DCAF1: variants seen among roughly 807,000 people sequenced by gnomAD.
DCAF1 encodes the protein DDB1- and CUL4-associated factor 1.
A neutral mutation model predicts 128.0 loss-of-function variants in DCAF1; 15 were observed. The ratio of observed to expected loss-of-function variants is 0.12; its 90% CI spans 0.08 to 0.18. DCAF1 has a LOEUF of 0.18. DCAF1 is among the 10% of genes least tolerant of loss of function. DCAF1 has a pLI of 1.00. For missense variants in DCAF1, 988 were observed against 1,649.5 expected (o/e 0.60, Z 6.95); for synonymous variants, 610 against 603.0 (o/e 1.01, Z -0.17).
intron 5 of DCAF1, 137 bp downstream of exon 5, chr3:51,466,666 C>T (rs1577241226): frequency 1.4e-6 from 1 of 725,694 alleles, no homozygotes; most frequent in Non-Finnish European, 2.3e-6. Context: ...ATTATGGCCA[C>T]AACCAGGACT....
At chr3:51,443,998 A>G (rs1436217504) in intron 6 of DCAF1, 95 bp from the exon 7 acceptor site, 1 of 1,230,372 alleles carries the variant, frequency 8.1e-7, no homozygotes, top group Non-Finnish European at 1.1e-6. Context: ...AAAAATTTTA[A>G]TATTTCAATG....
intron 2 of DCAF1, among the ~76,000 whole-genome samples, chr3:51,489,123 T>C (rs1361589775): frequency 1.3e-5 from 2 of 151,944 alleles, no homozygotes; most frequent in Non-Finnish European, 2.9e-5. Flanking sequence ...CCTTTGCCAT[T>C]TCTATTAAAA....
At chr3:51,413,139 G>A in intron 21 of DCAF1, 73 bp from the exon 22 acceptor site, 3 of 1,592,052 alleles carry the variant, frequency 1.9e-6, no homozygotes, top group Non-Finnish European at 2.6e-6. Context: ...TCCTCTAAAG[G>A]AATTCAGGAT....
chr3:51,406,018 AGT>A (rs2090077350), intron 23 of DCAF1, among the ~76,000 whole-genome samples: 2 of 151,856 alleles, frequency 1.3e-5, no homozygotes, highest in Non-Finnish European at 2.9e-5. Flanking sequence ...TGGGCAACAG[AGT>A]GAGATCCCAT....
At chr3:51,438,124 TATGCA>T (rs1701025032) in intron 9 of DCAF1, 1 of 414,482 alleles carries the variant, frequency 2.4e-6, no homozygotes, top group Non-Finnish European at 4.7e-6. Context: ...TTGGTGTGGT[TATGCA>T]TTTTTTTTTA....
At chr3:51,446,290 G>A (rs535793558) in intron 6 of DCAF1, among the ~76,000 whole-genome samples, 3 of 152,184 alleles carry the variant, frequency 2.0e-5, no homozygotes, top group South Asian at 2.1e-4. Context: ...GTTAGCCACC[G>A]CACCCGGCCA....
At chr3:51,503,375 A>G (rs2108658139), upstream of DCAF1, among the ~76,000 whole-genome samples, 1 of 152,186 alleles carries the variant, frequency 6.6e-6, no homozygotes, top group African/African-American at 2.4e-5. Context: ...CTTCTCCTTC[A>G]TTCTCCTCCT....
At chr3:51,399,521 G>A (rs1340251012) in intron 24 of DCAF1, among the ~76,000 whole-genome samples, 2 of 152,172 alleles carry the variant, frequency 1.3e-5, no homozygotes, top group African/African-American at 4.8e-5. Flanking sequence ...CTCTGATGAG[G>A]ACCCTCTCTG....
intron 18 of DCAF1, among the ~76,000 whole-genome samples, chr3:51,416,486 CTTTA>C (rs1698890840): frequency 6.6e-6 from 1 of 152,186 alleles, no homozygotes; most frequent in Non-Finnish European, 1.5e-5. Flanking sequence ...ATATTTGCTT[CTTTA>C]TTGTCTCCCC....
At chr3:51,476,831 C>T (rs1705518561) in intron 3 of DCAF1, among the ~76,000 whole-genome samples, 1 of 151,686 alleles carries the variant, frequency 6.6e-6, no homozygotes, top group East Asian at 1.9e-4. Context: ...GCTGAGATCG[C>T]ACCACTGCAC....
intron 13 of DCAF1, among the ~76,000 whole-genome samples, chr3:51,424,169 G>C (rs1553633415): frequency 6.6e-6 from 1 of 152,040 alleles, no homozygotes; most frequent in Non-Finnish European, 1.5e-5. Flanking sequence ...TGGGAGACCA[G>C]GGCAGGTGGA....
At chr3:51,409,897 C>T (rs1698245878) in intron 23 of DCAF1, among the ~76,000 whole-genome samples, 1 of 152,162 alleles carries the variant, frequency 6.6e-6, no homozygotes, top group Admixed American at 6.6e-5. Flanking sequence ...GAAACATGTA[C>T]AAGCTGTAAC....
intron 3 of DCAF1, among the ~76,000 whole-genome samples, chr3:51,476,910 T>C (rs188761868): frequency 2.4e-3 from 360 of 151,660 alleles, no homozygotes; most frequent in Non-Finnish European, 3.9e-3. Flanking sequence ...GGTAAAACCC[T>C]GTCTCTATTA....
intron 2 of DCAF1, among the ~76,000 whole-genome samples, chr3:51,488,039 A>G (rs1707179617): frequency 6.6e-6 from 1 of 151,206 alleles, no homozygotes; most frequent in South Asian, 2.1e-4. Context: ...TAATTTTTGT[A>G]CTTTTAGTAG....
chr3:51,450,651 C>T (rs1702255220), intron 6 of DCAF1, among the ~76,000 whole-genome samples: 1 of 152,098 alleles, frequency 6.6e-6, no homozygotes, highest in African/African-American at 2.4e-5. Context: ...AAAAAGATAT[C>T]CACTTATTTT....
intron 3 of DCAF1, among the ~76,000 whole-genome samples, chr3:51,479,801 A>C (rs1453902913): frequency 6.6e-6 from 1 of 152,102 alleles, no homozygotes; most frequent in Non-Finnish European, 1.5e-5. Context: ...GTCTCAAAAA[A>C]TAAAATAAAA....
chr3:51,447,821 G>A (rs1245189833), intron 6 of DCAF1, among the ~76,000 whole-genome samples: 1 of 152,042 alleles, frequency 6.6e-6, no homozygotes, highest in Non-Finnish European at 1.5e-5. Context: ...GGTGGCACAC[G>A]CCTATAATCC....
In DCAF1 at chr3:51,483,252, A is replaced by C. The variant is rs945658550; in HGVS notation, c.110+467T>G. Among the ~76,000 whole-genome samples the C allele has an allele frequency of 2.6e-5, 4 of 151,784 alleles. No individual in the cohort carries two copies. In the Admixed American group the frequency reaches 2.6e-4, roughly 10 times the overall value. On this transcript the variant is annotated intron_variant, in intron 3 of 24. Transcript: ENST00000684031. ...TAAGGAGTTCGAGACCAGCCTGATC[A>C]ACATGGTGAAACCCCGTCTCTACTA...
chr3:51,494,508 A>G (rs1450767148), intron 2 of DCAF1, among the ~76,000 whole-genome samples: 1 of 152,156 alleles, frequency 6.6e-6, no homozygotes, highest in African/African-American at 2.4e-5. Flanking sequence ...TGATTTGTAC[A>G]CTTCAAAATG....
Sources: gnomAD v4.1 joint callset for allele counts (sites outside exome capture counted in the v4.1 genomes callset) on GRCh38, gnomAD v4.1.1 for gene constraint, MANE v1.5 for transcripts, NCBI Gene and HGNC (gene_info 2026-07-23, HGNC 2026-07-21) for gene names.